The following HIPK1 variants were observed in gnomAD, a reference collection of about 807,000 sequenced individuals.
The protein encoded by HIPK1 is homeodomain interacting protein kinase 1, also known as homeodomain-interacting protein kinase 1.
HIPK1 carries 28 observed loss-of-function variants against 117.1 expected under a neutral mutation model. The observed-to-expected ratio is 0.24, with a 90% confidence interval of 0.18 to 0.33. The LOEUF is 0.33. HIPK1 is among the 10% of genes least tolerant of loss of function. The probability of loss-of-function intolerance (pLI) is 1.00; values close to 1 mark genes in which losing one functional copy is unlikely to be tolerated. For synonymous variants in HIPK1, 605 were observed against 562.5 expected (o/e 1.08, Z -1.07); for missense variants, 1,122 against 1,475.1 (o/e 0.76, Z 3.92).
chr1:113,973,909 G>A lies in HIPK1; in HGVS notation c.*397G>A, dbSNP rs920438350. The stretch of plus-strand genomic sequence containing the variant: ...GAAGCCCCTCTTTATTTCATTTTGT[G>A]TTATTGTGATTGCTGGTCAGGAAAA... On this transcript the variant is annotated 3_prime_UTR_variant, in exon 16 of 16. Transcript: ENST00000426820. The A allele has an allele frequency of 1.9e-5, 3 of 158,208 alleles. No individual in the cohort carries two copies. Among genetic ancestry groups the A allele is most frequent in the Admixed American group, 6.5e-5 (1 of 15,438 alleles). 9.8% of individuals were successfully genotyped at this position (158,208 alleles called of 1,614,324 possible). A position where few individuals can be genotyped will look rare whatever the true frequency, so the allele number is the denominator to read the frequency against.
intron 15 of HIPK1, among the ~76,000 whole-genome samples, chr1:113,972,346 C>G (rs548535442): frequency 6.6e-6 from 1 of 152,296 alleles, no homozygotes; most frequent in African/African-American, 2.4e-5. Context: ...TTGTGAAAAG[C>G]TCATTGGCCA....
rs1672836625 is a variant in HIPK1 at position 113,971,718 on chromosome 1, CTTA to C, written c.3014-105_3014-103del. On this transcript the variant is annotated intron_variant, in intron 14 of 15. Transcript: ENST00000426820. Reference sequence around the variant, plus strand: ...CTTCTGATGTAAATAGAATTGAGACCTTAATGCTTGCAAACTACATACAGATGT... The same window carrying C: ...CTTCTGATGTAAATAGAATTGAGACCATGCTTGCAAACTACATACAGATGT... The C allele has an allele frequency of 4.5e-6, 5 of 1,099,128 alleles. No individual in the cohort carries two copies. In the Admixed American group the frequency reaches 9.7e-5, roughly 21 times the overall value. 68.1% of individuals were successfully genotyped at this position (1,099,128 alleles called of 1,614,324 possible).
Position 113,942,450 on chromosome 1 carries a change from C to T in HIPK1, c.1076+991C>T, listed in dbSNP as rs140667848. 2.2e-3 allele frequency among the ~76,000 whole-genome samples: 337 copies of T among 152,282 alleles called. 13 individuals are homozygous for T. Among genetic ancestry groups the T allele is most frequent in the Admixed American group, 0.018 (276 of 15,292 alleles). ...GTTGCTGTTTTTTCGAACCTCTTAT[C>T]TTGGCAGGTAAAATAACGTGGGAAT... On this transcript the variant is annotated intron_variant, in intron 2 of 15. Transcript: ENST00000426820.
intron 8 of HIPK1, among the ~76,000 whole-genome samples, chr1:113,960,293 C>G (rs1348635921): frequency 1.3e-5 from 2 of 152,274 alleles, no homozygotes; most frequent in East Asian, 1.9e-4. Flanking sequence ...CCTCTTAGGT[C>G]AGGAACCGGG....
At chr1:113,930,240 GCGTCTC>G (rs1669774768) in intron 1 of HIPK1, among the ~76,000 whole-genome samples, 2 of 152,266 alleles carry the variant, frequency 1.3e-5, no homozygotes, top group African/African-American at 4.8e-5. Context: ...GGACCGCCTT[GCGTCTC>G]CTCACTCGGC....
intron 1 of HIPK1, chr1:113,929,842 G>A (rs1006312756): frequency 1.2e-5 from 12 of 987,670 alleles, no homozygotes; most frequent in African/African-American, 3.5e-5. Flanking sequence ...GCTCGCGCGG[G>A]GGGTATGATG....
chr1:113,963,633 AT>A, intron 10 of HIPK1, 112 bp downstream of exon 10: 2 of 1,341,206 alleles, frequency 1.5e-6, no homozygotes, highest in Non-Finnish European at 2.0e-6. Context: ...TTTCAAAAAA[AT>A]TTTTTAGCTT....
At chr1:113,972,026 G>A (rs141396436) in intron 15 of HIPK1, 72 bp downstream of exon 15, 8 of 1,613,126 alleles carry the variant, frequency 5.0e-6, no homozygotes, top group Non-Finnish European at 6.8e-6. Flanking sequence ...CCCTGCTTCT[G>A]GCTGGATGCT....
chr1:113,934,014 T>C (rs970787898), intron 1 of HIPK1, among the ~76,000 whole-genome samples: 1 of 152,218 alleles, frequency 6.6e-6, no homozygotes, highest in African/African-American at 2.4e-5. Context: ...TTGTCTCACT[T>C]TGTTTTTACA....
intron 1 of HIPK1, among the ~76,000 whole-genome samples, chr1:113,934,629 C>T (rs1387360124): frequency 6.6e-6 from 1 of 151,716 alleles, no homozygotes; most frequent in Admixed American, 6.6e-5. Context: ...AGTCAAGAGG[C>T]GCAGCATTTT....
intron 2 of HIPK1, among the ~76,000 whole-genome samples, chr1:113,942,655 T>C (rs968065754): frequency 6.6e-6 from 1 of 152,196 alleles, no homozygotes; most frequent in African/African-American, 2.4e-5. Context: ...ATGATATATA[T>C]TTCTAGATTG....
intron 8 of HIPK1, among the ~76,000 whole-genome samples, chr1:113,962,075 T>A (rs1193659592): frequency 6.6e-6 from 1 of 151,836 alleles, no homozygotes; most frequent in African/African-American, 2.4e-5. Flanking sequence ...ATAAAAAAAA[T>A]TTAGAATTCT....
At chr1:113,949,587 C>CTT (rs1671212259) in intron 2 of HIPK1, among the ~76,000 whole-genome samples, 1 of 141,244 alleles carries the variant, frequency 7.1e-6, no homozygotes. Context: ...TTGAGGGTTA[C>CTT]TTCTTTTCTT....
At chr1:113,970,501 A>C (rs544397731) in intron 14 of HIPK1, among the ~76,000 whole-genome samples, 1 of 152,266 alleles carries the variant, frequency 6.6e-6, no homozygotes. Context: ...GCAGGCAATT[A>C]GGTTTGCCAC....
intron 1 of HIPK1, chr1:113,930,074 C>A: frequency 1.1e-6 from 1 of 951,260 alleles, no homozygotes; most frequent in Non-Finnish European, 1.3e-6. Context: ...AGGGCCCCTG[C>A]CTGGGACCGG....
intron 2 of HIPK1, among the ~76,000 whole-genome samples, chr1:113,943,735 A>G (rs1347481865): frequency 6.6e-6 from 1 of 152,208 alleles, no homozygotes; most frequent in Non-Finnish European, 1.5e-5. Context: ...ACTATTTTAC[A>G]TTCCTACCAG....
rs779713913 is a variant in HIPK1 at position 113,970,172 on chromosome 1, C to G, written c.2988C>G (p.Asp996Glu). ...IVPPLKTQLG[D>E]CTVATQASGL... ...CTCCACTGAAAACTCAGCTTGGTGA[C>G]TGCACTGTAGCAACCCAGGCCTCAG... Residue 996 changes from aspartate (D) to glutamate (E), a missense_variant, in exon 14 of 16, where the codon GAC becomes GAG. Around this residue, in one of 6 missense-constraint regions of HIPK1, gnomAD observed 731 missense variants for 860.4 expected, o/e 0.85. Transcript: ENST00000426820. 4 of 1,614,060 alleles carry G rather than the reference C, an allele frequency of 2.5e-6. No individual in the cohort carries two copies. The East Asian group carries it at 8.9e-5, about 36-fold the overall frequency.
intron 10 of HIPK1, among the ~76,000 whole-genome samples, chr1:113,963,910 C>T (rs1437129924): frequency 6.6e-6 from 1 of 152,134 alleles, no homozygotes; most frequent in East Asian, 1.9e-4. Context: ...AGGAAATGGC[C>T]TTTAATTTGG....
In HIPK1 at chr1:113,929,441, G is replaced by C. The variant is rs1558118336; in HGVS notation, c.-94G>C. The C allele has an allele frequency of 2.3e-6, 3 of 1,289,380 alleles. No homozygotes were observed. The highest frequency in any genetic ancestry group is 2.1e-4 in the Middle Eastern group (1 of 4,692). The allele number at this position is 1,289,380 out of a possible 1,614,324, so 79.9% of individuals were successfully genotyped here. ...CACTCGATCCACGCTGGCTCCCTAC[G>C]GAGGCCCACCTACTCGAGGCCCACC... On this transcript the variant is annotated 5_prime_UTR_variant, in exon 1 of 16. Coordinates refer to ENST00000426820, the MANE Select transcript of HIPK1 (RefSeq NM_198268.3).
Sources: allele counts gnomAD v4.1 joint callset (sites outside exome capture counted in the v4.1 genomes callset), GRCh38; gene constraint gnomAD v4.1.1; regional missense constraint gnomAD v4.1.1; transcripts MANE v1.5; gene names NCBI Gene and HGNC (gene_info 2026-07-23, HGNC 2026-07-21).